Variants in LY86 observed in about 807,000 individuals in gnomAD.
The protein encoded by LY86 is lymphocyte antigen 86, also known as MD-1, RP105-associated.
Under a neutral mutation model 17.3 loss-of-function variants are expected in LY86, and 20 were observed. The observed-to-expected ratio is 1.15, with a 90% CI of 0.81 to 1.68. The LOEUF is 1.68. Ranked by LOEUF, LY86 falls within the 40% of genes most tolerant of loss-of-function variation. The pLI, the probability that LY86 is intolerant of heterozygous loss-of-function variation, is 0.00. For synonymous variants in LY86, 74 were observed against 70.6 expected (o/e 1.05, Z -0.24); for missense variants, 200 against 191.9 (o/e 1.04, Z -0.25).
At chr6:6,608,485 T>C (rs548687699) in intron 1 of LY86, among the ~76,000 whole-genome samples, 8 of 152,346 alleles carry the variant, frequency 5.3e-5, no homozygotes, top group Admixed American at 1.3e-4. Context: ...TACAAACTGT[T>C]GTGAATATCC....
At chr6:6,642,758 G>C (rs1417214712) in intron 3 of LY86, among the ~76,000 whole-genome samples, 1 of 152,222 alleles carries the variant, frequency 6.6e-6, no homozygotes, top group Non-Finnish European at 1.5e-5. Flanking sequence ...CAGTGCCTGG[G>C]CCTTCCCCAT....
intron 1 of LY86, among the ~76,000 whole-genome samples, chr6:6,606,012 CA>C (rs1378356445): frequency 6.6e-6 from 1 of 152,168 alleles, no homozygotes; most frequent in Non-Finnish European, 1.5e-5. Flanking sequence ...AGCAAAAGAA[CA>C]AAACTTCCAC....
At chr6:6,610,340 T>A (rs1054232558) in intron 1 of LY86, among the ~76,000 whole-genome samples, 21 of 152,128 alleles carry the variant, frequency 1.4e-4, no homozygotes, top group Admixed American at 1.2e-3. Flanking sequence ...GATTTTATTT[T>A]AAAAAAATGG....
At chr6:6,621,223 C>G (rs1219844713) in intron 1 of LY86, 2 of 152,254 alleles carry the variant, frequency 1.3e-5, no homozygotes, top group Non-Finnish European at 2.9e-5. Flanking sequence ...ACACTTATCT[C>G]TGCCCTTGAA....
chr6:6,637,394 C>G (rs1037982189), intron 3 of LY86, among the ~76,000 whole-genome samples: 23 of 152,178 alleles, frequency 1.5e-4, no homozygotes, highest in African/African-American at 4.8e-4. Context: ...ATGAGCCAAC[C>G]ATGCTGCAAC....
At chr6:6,618,093 G>C (rs12199095) in intron 1 of LY86, among the ~76,000 whole-genome samples, 1 of 151,974 alleles carries the variant, frequency 6.6e-6, no homozygotes, top group Non-Finnish European at 1.5e-5. Context: ...CATCTGCCTC[G>C]GCCTCCCAAA....
chr6:6,614,466 C>T (rs1453360836), intron 1 of LY86, among the ~76,000 whole-genome samples: 1 of 151,824 alleles, frequency 6.6e-6, no homozygotes, highest in Non-Finnish European at 1.5e-5. Context: ...CGCGAGCCTG[C>T]AGGCAGCCCA....
chr6:6,602,523 C>G (rs1426452905), intron 1 of LY86, among the ~76,000 whole-genome samples: 2 of 152,066 alleles, frequency 1.3e-5, no homozygotes, highest in East Asian at 3.8e-4. Context: ...TTAGAGTTTC[C>G]TCAGAAATGG....
chr6:6,602,641 C>T (rs1252720636), intron 1 of LY86, among the ~76,000 whole-genome samples: 1 of 152,118 alleles, frequency 6.6e-6, no homozygotes, highest in South Asian at 2.1e-4. Context: ...GCGCAGGCCA[C>T]CACTGTGGGT....
intron 1 of LY86, among the ~76,000 whole-genome samples, chr6:6,612,051 A>G (rs75668122): frequency 1.3e-5 from 2 of 152,182 alleles, no homozygotes; most frequent in African/African-American, 4.8e-5. Context: ...GAGCAAATTG[A>G]AGATGTTAAA....
chr6:6,590,179 C>T (rs1263066635), intron 1 of LY86, among the ~76,000 whole-genome samples: 7 of 149,014 alleles, frequency 4.7e-5, no homozygotes, highest in African/African-American at 7.5e-5. Context: ...TCTAAGATAC[C>T]GTAGTCCCCC....
chr6:6,612,898 C>T (rs1480635204), intron 1 of LY86, among the ~76,000 whole-genome samples: 2 of 151,652 alleles, frequency 1.3e-5, no homozygotes, highest in East Asian at 1.9e-4. Flanking sequence ...AAAGGTTCTC[C>T]AAGTCCTCAC....
chr6:6,616,697 A>G (rs1185964585), intron 1 of LY86, among the ~76,000 whole-genome samples: 1 of 152,166 alleles, frequency 6.6e-6, no homozygotes. Context: ...AGGACAACAA[A>G]CACCTTAGCT....
At chr6:6,626,720 C>G (rs748224853) in intron 3 of LY86, among the ~76,000 whole-genome samples, 1 of 152,110 alleles carries the variant, frequency 6.6e-6, no homozygotes. Flanking sequence ...GCAGAAAGAG[C>G]CAAGAGGTTC....
intron 1 of LY86, among the ~76,000 whole-genome samples, chr6:6,594,452 A>ATT (rs1760637666): frequency 1.4e-5 from 1 of 69,492 alleles, no homozygotes; most frequent in African/African-American, 3.2e-5. Context: ...TGTTTATGCT[A>ATT]CTCGTGTTAT....
intron 1 of LY86, among the ~76,000 whole-genome samples, chr6:6,609,097 A>T (rs186586478): frequency 2.4e-4 from 36 of 152,306 alleles, no homozygotes; most frequent in African/African-American, 7.7e-4. Flanking sequence ...TTTCCCCTCC[A>T]GCATCCACCT....
At chr6:6,603,034 G>A (rs1760961679) in intron 1 of LY86, among the ~76,000 whole-genome samples, 1 of 152,094 alleles carries the variant, frequency 6.6e-6, no homozygotes, top group Non-Finnish European at 1.5e-5. Flanking sequence ...GTGACAAGAG[G>A]TTCAGTGTCT....
intron 1 of LY86, among the ~76,000 whole-genome samples, chr6:6,610,730 G>A (rs559088419): frequency 1.3e-5 from 2 of 152,250 alleles, no homozygotes; most frequent in South Asian, 2.1e-4. Flanking sequence ...GTATTTAAGG[G>A]CTGCAAAGGA....
intron 1 of LY86, among the ~76,000 whole-genome samples, chr6:6,616,890 C>T (rs961088421): frequency 5.3e-5 from 8 of 152,328 alleles, no homozygotes; most frequent in South Asian, 4.1e-4. Flanking sequence ...TGCGTAAGAA[C>T]CGCAGACATG....
Sources: allele counts gnomAD v4.1 joint callset (sites outside exome capture counted in the v4.1 genomes callset), GRCh38; gene constraint gnomAD v4.1.1; transcripts MANE v1.5; gene names NCBI Gene and HGNC (gene_info 2026-07-23, HGNC 2026-07-21).